The following AGMO variants were observed in gnomAD, a reference collection of about 807,000 sequenced individuals.
AGMO encodes glyceryl-ether monooxygenase.
In AGMO, 75 loss-of-function variants were observed where a neutral mutation model predicts 60.2. The ratio of observed to expected loss-of-function variants is 1.25; its 90% CI spans 1.03 to 1.51. AGMO has a LOEUF of 1.51. Ranked by LOEUF, AGMO falls within the 40% of genes most tolerant of loss-of-function variation. The pLI is 0.00. For synonymous variants in AGMO, 261 were observed against 177.1 expected, an observed-to-expected ratio of 1.47 and a Z score of -3.76; for missense variants, 763 against 525.5, an observed-to-expected ratio of 1.45 and a Z score of -4.42.
At chr7:15,226,937 C>A (rs1782101079) in intron 12 of AGMO, among the ~76,000 whole-genome samples, 1 of 151,820 alleles carries the variant, frequency 6.6e-6, no homozygotes, top group South Asian at 2.1e-4. Flanking sequence ...AACAAAATAC[C>A]ACCTATAAGA....
At chr7:15,162,389 G>A in the AGMO span, among the ~76,000 whole-genome samples, 1 of 152,118 alleles carries the variant, frequency 6.6e-6, no homozygotes. Flanking sequence ...TTAGGATGGG[G>A]TGATTAGAAA....
At chr7:15,147,157 T>G in the AGMO span, among the ~76,000 whole-genome samples, 42 of 152,240 alleles carry the variant, frequency 2.8e-4, no homozygotes, top group African/African-American at 1.0e-3. Flanking sequence ...CAGGACCACA[T>G]GCCAACCTTA....
chr7:15,390,644 A>G (rs780886480), intron 8 of AGMO, 27 bp downstream of exon 8: 1 of 1,477,278 alleles, frequency 6.8e-7, no homozygotes, highest in Non-Finnish European at 9.3e-7. Flanking sequence ...ATATAAATGA[A>G]GAAAGAATAA....
chr7:15,210,309 C>T (rs1781552021), intron 12 of AGMO, among the ~76,000 whole-genome samples: 1 of 152,046 alleles, frequency 6.6e-6, no homozygotes, highest in African/African-American at 2.4e-5. Flanking sequence ...AATTTAAAAA[C>T]CTTAACATAT....
At chr7:15,514,960 G>C (rs1583633582) in intron 3 of AGMO, among the ~76,000 whole-genome samples, 1 of 152,186 alleles carries the variant, frequency 6.6e-6, no homozygotes, top group Admixed American at 6.6e-5. Context: ...ATGGGAGGCA[G>C]TGAGTGAGCT....
chr7:15,438,297 G>C (rs1436071684), intron 3 of AGMO, among the ~76,000 whole-genome samples: 1 of 151,730 alleles, frequency 6.6e-6, no homozygotes, highest in African/African-American at 2.4e-5. Context: ...ACACATAAGA[G>C]TAAGAAAGCT....
intron 3 of AGMO, among the ~76,000 whole-genome samples, chr7:15,493,420 C>T (rs1393844946): frequency 8.0e-6 from 1 of 124,666 alleles, no homozygotes; most frequent in Non-Finnish European, 1.6e-5. Context: ...GTCGCCCAGG[C>T]TGGAGTGCAG....
chr7:15,281,629 T>G lies in AGMO; in HGVS notation c.1264-80270A>C, dbSNP rs140353913. On this transcript the variant is annotated intron_variant, in intron 12 of 12. Coordinates refer to ENST00000342526, the MANE Select transcript of AGMO (RefSeq NM_001004320.2). ...TACTCTTTCCCTGACAAGACTTCAG[T>G]CTATTCCACTGAGAGCTCCTCCATG... is the stretch of plus-strand genomic sequence containing the variant. 3.7e-3 allele frequency among the ~76,000 whole-genome samples: 570 copies of G among 152,186 alleles called. 3 individuals are homozygous for G. The highest frequency in any genetic ancestry group is 6.4e-3 in the Non-Finnish European group (436 of 67,988).
chr7:15,452,220 GA>G (rs200369629), intron 3 of AGMO, among the ~76,000 whole-genome samples: 134 of 148,356 alleles, frequency 9.0e-4, no homozygotes, highest in Admixed American at 4.6e-3. Flanking sequence ...CAAGCAAAGA[GA>G]AAAAAAAATA....
At chr7:15,480,725 C>T (rs190688615) in intron 3 of AGMO, among the ~76,000 whole-genome samples, 1 of 152,062 alleles carries the variant, frequency 6.6e-6, no homozygotes, top group Admixed American at 6.6e-5. Flanking sequence ...ATCTTATAGT[C>T]TTTTTCTAAG....
chr7:15,445,333 A>G (rs1781669029), intron 3 of AGMO, among the ~76,000 whole-genome samples: 8 of 152,216 alleles, frequency 5.3e-5, no homozygotes, highest in Admixed American at 5.2e-4. Flanking sequence ...TATTGGACAC[A>G]TTAAACTTCT....
chr7:15,434,725 C>G (rs1488450017), intron 3 of AGMO, among the ~76,000 whole-genome samples: 2 of 151,990 alleles, frequency 1.3e-5, no homozygotes, highest in Non-Finnish European at 2.9e-5. Context: ...AGAACTTGAG[C>G]CAGAGACATT....
At chr7:15,299,445 C>T (rs1563075276) in intron 12 of AGMO, among the ~76,000 whole-genome samples, 1 of 152,138 alleles carries the variant, frequency 6.6e-6, no homozygotes, top group Non-Finnish European at 1.5e-5. Context: ...TCTATCTCAG[C>T]ACCTAATCTA....
chr7:15,208,351 G>A (rs550821162), intron 12 of AGMO, among the ~76,000 whole-genome samples: 4 of 152,186 alleles, frequency 2.6e-5, no homozygotes, highest in African/African-American at 4.8e-5. Flanking sequence ...CTTAGTAAAG[G>A]TGTACTTTAG....
chr7:15,470,798 A>G (rs1165626129), intron 3 of AGMO, among the ~76,000 whole-genome samples: 1 of 152,022 alleles, frequency 6.6e-6, no homozygotes, highest in Admixed American at 6.6e-5. Context: ...GTTCTTTGTT[A>G]GAATACCAAT....
rs1414472806 is a variant in AGMO, at chr7:15,354,475, C to G, written c.1263+11039G>C. 7.2e-4 allele frequency among the ~76,000 whole-genome samples: 11 copies of G among 15,194 alleles called. 1 individual carries two copies. Among genetic ancestry groups the G allele is most frequent in the East Asian group, 7.0e-3 (3 of 426 alleles). 10.0% of individuals were successfully genotyped at this position (15,194 alleles called of 152,430 possible). ...GTGTATACACACGTGTGTGTATACA[C>G]ACGTGTGTATATACACACGTGTATA... On this transcript the variant is annotated intron_variant, in intron 12 of 12. Coordinates refer to ENST00000342526, the MANE Select transcript of AGMO (RefSeq NM_001004320.2).
chr7:15,298,658 T>G (rs1221273111), intron 12 of AGMO, among the ~76,000 whole-genome samples: 1 of 152,128 alleles, frequency 6.6e-6, no homozygotes, highest in Non-Finnish European at 1.5e-5. Context: ...AGCCTCAGCC[T>G]CCCAAAGTGC....
chr7:15,495,693 G>A (rs908005682), intron 3 of AGMO, among the ~76,000 whole-genome samples: 7 of 152,184 alleles, frequency 4.6e-5, no homozygotes, highest in South Asian at 4.1e-4. Flanking sequence ...TCTGGTGGCC[G>A]AGAAGTCCAA....
intron 12 of AGMO, among the ~76,000 whole-genome samples, chr7:15,204,763 A>G (rs900104684): frequency 6.6e-6 from 1 of 152,184 alleles, no homozygotes; most frequent in Non-Finnish European, 1.5e-5. Context: ...AAGTTCATCA[A>G]TTGGCAGGTG....
Sources: allele counts gnomAD v4.1 joint callset (sites outside exome capture counted in the v4.1 genomes callset), GRCh38; gene constraint gnomAD v4.1.1; transcripts MANE v1.5; gene names NCBI Gene and HGNC (gene_info 2026-07-23, HGNC 2026-07-21).